NKAIN2: variants seen among roughly 807,000 people sequenced by gnomAD.
NKAIN2 encodes sodium/potassium-transporting ATPase subunit beta-1-interacting protein 2.
In NKAIN2, 14 loss-of-function variants were observed where a neutral mutation model predicts 32.6. That is an observed-to-expected ratio of 0.43 (90% confidence interval 0.28 to 0.67). The LOEUF (loss-of-function observed/expected upper bound fraction) is 0.67, where lower values mean the gene tolerates loss of function less well. Among genes scored for constraint, NKAIN2 ranks in the 30% least tolerant of loss-of-function variants. NKAIN2 has a pLI of 0.17. For missense variants in NKAIN2, 198 were observed against 258.3 expected, an observed-to-expected ratio of 0.77 and a Z score of 1.60; for synonymous variants, 80 against 87.2, an observed-to-expected ratio of 0.92 and a Z score of 0.46.
chr6:124,205,944 T>G (rs1243610932), intron 1 of NKAIN2, among the ~76,000 whole-genome samples: 1 of 151,916 alleles, frequency 6.6e-6, no homozygotes, highest in Admixed American at 6.6e-5. Context: ...GTGGAAGCAT[T>G]CTACAAAGAA....
intron 1 of NKAIN2, among the ~76,000 whole-genome samples, chr6:123,922,486 A>G (rs1243497137): frequency 6.6e-6 from 1 of 152,212 alleles, no homozygotes; most frequent in Non-Finnish European, 1.5e-5. Context: ...GTAAACTTTT[A>G]GATGAATATT....
chr6:124,050,059 T>C (rs757946920), intron 1 of NKAIN2, among the ~76,000 whole-genome samples: 9 of 152,054 alleles, frequency 5.9e-5, no homozygotes, highest in Admixed American at 4.6e-4. Flanking sequence ...GTAGTATATA[T>C]GGGGTTTGTA....
intron 1 of NKAIN2, among the ~76,000 whole-genome samples, chr6:124,223,428 G>A (rs1347325555): frequency 2.0e-5 from 3 of 152,020 alleles, no homozygotes; most frequent in Non-Finnish European, 4.4e-5. Context: ...TAAGGGAAAG[G>A]CAATCAAATC....
intron 1 of NKAIN2, among the ~76,000 whole-genome samples, chr6:123,849,023 A>G (rs939498912): frequency 6.6e-6 from 1 of 152,192 alleles, no homozygotes; most frequent in African/African-American, 2.4e-5. Context: ...TTTCTATTGA[A>G]TAAGCTATAA....
chr6:124,523,274 C>A (rs563371975), intron 3 of NKAIN2, among the ~76,000 whole-genome samples: 1 of 151,896 alleles, frequency 6.6e-6, no homozygotes, highest in African/African-American at 2.4e-5. Context: ...ATATGTTTTA[C>A]CTGCCTCATC....
chr6:124,188,601 T>G (rs927752164), intron 1 of NKAIN2, among the ~76,000 whole-genome samples: 23 of 152,256 alleles, frequency 1.5e-4, no homozygotes, highest in African/African-American at 5.5e-4. Flanking sequence ...TGAATTTGTA[T>G]GTATTTGACA....
chr6:124,595,859 AT>A (rs568892324), intron 3 of NKAIN2, among the ~76,000 whole-genome samples: 76 of 152,094 alleles, frequency 5.0e-4, no homozygotes, highest in South Asian at 4.6e-3. Context: ...CATAAGGTCT[AT>A]TTCTTAACCT....
chr6:124,419,538 A>AG (rs1774651470), intron 3 of NKAIN2, among the ~76,000 whole-genome samples: 1 of 152,182 alleles, frequency 6.6e-6, no homozygotes, highest in Non-Finnish European at 1.5e-5. Flanking sequence ...TCCAAATTTC[A>AG]CACCAGAAAA....
At chr6:124,204,808 T>C (rs1367943607) in intron 1 of NKAIN2, among the ~76,000 whole-genome samples, 2 of 151,762 alleles carry the variant, frequency 1.3e-5, no homozygotes, top group Non-Finnish European at 2.9e-5. Context: ...CACTTATTAA[T>C]TTAGCTAATT....
intron 4 of NKAIN2, among the ~76,000 whole-genome samples, chr6:124,777,947 TCACACACA>T (rs142387344): frequency 6.1e-5 from 9 of 146,954 alleles, no homozygotes; most frequent in Middle Eastern, 3.5e-3. Flanking sequence ...GAAATCACAT[TCACACACA>T]CACACACACA....
At chr6:124,172,626 T>C (rs1420232003) in intron 1 of NKAIN2, among the ~76,000 whole-genome samples, 1 of 152,168 alleles carries the variant, frequency 6.6e-6, no homozygotes, top group Non-Finnish European at 1.5e-5. Flanking sequence ...TATATTCTTG[T>C]GGAAGGAAGT....
chr6:124,808,623 G>T (rs528626725), intron 5 of NKAIN2, among the ~76,000 whole-genome samples: 59 of 152,296 alleles, frequency 3.9e-4, no homozygotes, highest in African/African-American at 1.4e-3. Flanking sequence ...AGTGTTGGAA[G>T]TTATGGCCAG....
At chr6:124,566,176 T>A (rs1780902168) in intron 3 of NKAIN2, among the ~76,000 whole-genome samples, 3 of 152,238 alleles carry the variant, frequency 2.0e-5, no homozygotes, top group Non-Finnish European at 2.9e-5. Context: ...ACTACAGACA[T>A]GGCAAACTAA....
intron 4 of NKAIN2, among the ~76,000 whole-genome samples, chr6:124,780,642 T>C (rs181902935): frequency 2.3e-3 from 349 of 152,330 alleles, no homozygotes; most frequent in Admixed American, 4.4e-3. Context: ...GACACTTTGC[T>C]ATCATGTCTT....
chr6:123,942,253 G>T (rs916097147), intron 1 of NKAIN2, among the ~76,000 whole-genome samples: 2 of 151,900 alleles, frequency 1.3e-5, no homozygotes, highest in Admixed American at 1.3e-4. Context: ...TAAGTCAGCA[G>T]AATAGGAATA....
At chr6:124,501,798 C>A (rs142853564) in intron 3 of NKAIN2, among the ~76,000 whole-genome samples, 7 of 152,242 alleles carry the variant, frequency 4.6e-5, no homozygotes, top group Non-Finnish European at 1.0e-4. Flanking sequence ...AGTTTCCCAC[C>A]TCTGGGACAG....
At chr6:124,339,891 A>G (rs72965840) in intron 2 of NKAIN2, among the ~76,000 whole-genome samples, 2,694 of 152,286 alleles carry the variant, frequency 0.018, 34 homozygotes, top group Middle Eastern at 0.071. Flanking sequence ...GACGTATTAT[A>G]TGAAAATCTT....
intron 1 of NKAIN2, among the ~76,000 whole-genome samples, chr6:124,179,898 A>C (rs1233295025): frequency 6.6e-6 from 1 of 152,214 alleles, no homozygotes; most frequent in Non-Finnish European, 1.5e-5. Flanking sequence ...TAATTTTGGC[A>C]GTAACTGAAG....
chr6:124,416,573 A>T (rs1774497867), intron 3 of NKAIN2, among the ~76,000 whole-genome samples: 1 of 152,156 alleles, frequency 6.6e-6, no homozygotes, highest in African/African-American at 2.4e-5. Context: ...CAGAAGATTG[A>T]GGTTGTGATG....
Sources: allele counts gnomAD v4.1 joint callset (sites outside exome capture counted in the v4.1 genomes callset), GRCh38; gene constraint gnomAD v4.1.1; transcripts MANE v1.5; gene names NCBI Gene and HGNC (gene_info 2026-07-23, HGNC 2026-07-21).